LIPC: variants seen among roughly 807,000 people sequenced by gnomAD.
LIPC encodes lipase C, hepatic type.
LIPC carries 44 observed loss-of-function variants against 50.7 expected under a neutral mutation model. That is an observed-to-expected ratio of 0.87 (90% CI 0.68 to 1.11). The LOEUF (loss-of-function observed/expected upper bound fraction) is 1.11, where lower values mean the gene tolerates loss of function less well. Ranked by LOEUF, LIPC falls within the 50% of genes most tolerant of loss-of-function variation. The pLI is 0.00. For synonymous variants in LIPC, 271 were observed against 256.4 expected (o/e 1.06, Z -0.54); for missense variants, 697 against 648.2 (o/e 1.08, Z -0.82).
intron 1 of LIPC, among the ~76,000 whole-genome samples, chr15:58,496,652 C>T (rs1468822766): frequency 2.0e-5 from 3 of 150,692 alleles, no homozygotes; most frequent in African/African-American, 4.9e-5. Context: ...AGACTAACTC[C>T]GAATACCTTA....
chr15:58,528,342 C>T (rs922077229), intron 1 of LIPC, among the ~76,000 whole-genome samples: 4 of 152,110 alleles, frequency 2.6e-5, no homozygotes, highest in African/African-American at 7.2e-5. Context: ...CCTAAAAACA[C>T]GTCTCAGGGG....
intron 1 of LIPC, chr15:58,435,601 G>A (rs1419876670): frequency 6.6e-6 from 1 of 152,216 alleles, no homozygotes; most frequent in Non-Finnish European, 1.5e-5. Flanking sequence ...TGATCTGCCT[G>A]TCATTATCAC....
intron 1 of LIPC, chr15:58,435,079 C>T (rs983425343): frequency 2.6e-5 from 4 of 152,184 alleles, no homozygotes; most frequent in Non-Finnish European, 4.4e-5. Context: ...ACTGAGAAAT[C>T]TTTAAAATCT....
chr15:58,560,749 A>T, intron 6 of LIPC, 115 bp from the exon 7 acceptor site: 1 of 656,734 alleles, frequency 1.5e-6, no homozygotes, highest in South Asian at 1.8e-5. Context: ...TAACATATTA[A>T]TATCTATCCA....
chr15:58,442,677 C>T (rs1390283582), intron 1 of LIPC, among the ~76,000 whole-genome samples: 3 of 152,248 alleles, frequency 2.0e-5, no homozygotes, highest in Admixed American at 1.3e-4. Context: ...ATTATCCCCA[C>T]TTCACAGATG....
intron 1 of LIPC, among the ~76,000 whole-genome samples, chr15:58,441,496 A>T (rs1893507119): frequency 6.6e-6 from 1 of 152,208 alleles, no homozygotes; most frequent in Non-Finnish European, 1.5e-5. Context: ...TTGGGTAGGA[A>T]TTCTTATTCC....
rs1894246803 is a variant in LIPC, at chr15:58,563,603, G to T, written c.1268G>T (p.Ser423Ile). 2 of 1,614,078 alleles carry T rather than the reference G, an allele frequency of 1.2e-6. No homozygotes were observed. Among genetic ancestry groups the T allele is most frequent in the Non-Finnish European group, 1.7e-6 (2 of 1,180,020 alleles). Residue 423 changes from serine (S) to isoleucine (I), a missense_variant, in exon 8 of 9, where the codon AGT becomes ATT. Coordinates refer to ENST00000299022, the MANE Select transcript of LIPC (RefSeq NM_000236.3). ...ATGATCAAGTTCAAGTGGGAAAACA[G>T]TGCAGTGTGGGCCAATGTCTGGGAC... Reference protein sequence around the residue: ...LIMIKFKWENSAVWANVWDTV... With the variant: ...LIMIKFKWENIAVWANVWDTV...
At chr15:58,479,635 G>A (rs777381431) in intron 1 of LIPC, among the ~76,000 whole-genome samples, 1 of 152,170 alleles carries the variant, frequency 6.6e-6, no homozygotes, top group African/African-American at 2.4e-5. Flanking sequence ...GCTTGCATCA[G>A]GCATGAAATT....
intron 1 of LIPC, among the ~76,000 whole-genome samples, chr15:58,493,178 G>C (rs1311562963): frequency 1.3e-5 from 2 of 152,088 alleles, no homozygotes; most frequent in Non-Finnish European, 2.9e-5. Flanking sequence ...TGATGACTCA[G>C]CAAAATCAAC....
intron 1 of LIPC, among the ~76,000 whole-genome samples, chr15:58,487,609 G>A (rs369731234): frequency 6.6e-6 from 1 of 152,228 alleles, no homozygotes; most frequent in East Asian, 1.9e-4. Context: ...TCTTGCTCTG[G>A]CCCAAACAAG....
chr15:58,552,576 T>G (rs1392027954), intron 6 of LIPC, among the ~76,000 whole-genome samples: 1 of 152,142 alleles, frequency 6.6e-6, no homozygotes, highest in African/African-American at 2.4e-5. Flanking sequence ...CCAGGCTCCC[T>G]GGGTCGGGGG....
At chr15:58,493,888 G>C (rs763105398) in intron 1 of LIPC, among the ~76,000 whole-genome samples, 1 of 152,110 alleles carries the variant, frequency 6.6e-6, no homozygotes, top group Admixed American at 6.5e-5. Flanking sequence ...GATGGCAATG[G>C]GTACTGAAAG....
At chr15:58,432,212 AC>A in intron 1 of LIPC, 92 bp downstream of exon 1, 2 of 984,082 alleles carry the variant, frequency 2.0e-6, no homozygotes, top group South Asian at 2.6e-5. Flanking sequence ...ACTGTATGGG[AC>A]AGAGCTTGCT....
At chr15:58,488,391 C>G (rs1056262392) in intron 1 of LIPC, among the ~76,000 whole-genome samples, 2 of 152,216 alleles carry the variant, frequency 1.3e-5, no homozygotes, top group African/African-American at 4.8e-5. Flanking sequence ...TCCTTATCTA[C>G]GCCATTCATC....
At chr15:58,455,344 G>A (rs1383230004) in intron 1 of LIPC, among the ~76,000 whole-genome samples, 1 of 152,176 alleles carries the variant, frequency 6.6e-6, no homozygotes, top group Non-Finnish European at 1.5e-5. Context: ...ACCTGGCTGT[G>A]TTCCAATAAA....
At chr15:58,529,548 C>A (rs1216861661) in intron 1 of LIPC, among the ~76,000 whole-genome samples, 1 of 152,212 alleles carries the variant, frequency 6.6e-6, no homozygotes. Flanking sequence ...GATTCAAGAC[C>A]CAGTCTACTG....
chr15:58,538,673 C>T (rs113900616), intron 2 of LIPC, among the ~76,000 whole-genome samples, 156 bp downstream of exon 2: 7 of 152,330 alleles, frequency 4.6e-5, no homozygotes, highest in South Asian at 4.1e-4. Flanking sequence ...TGCTTCCCCA[C>T]GCATTAGCTC....
At chr15:58,501,349 T>C (rs1891978654) in intron 1 of LIPC, among the ~76,000 whole-genome samples, 1 of 82,180 alleles carries the variant, frequency 1.2e-5, no homozygotes, top group African/African-American at 4.7e-5. Context: ...CTCTCATACT[T>C]TTTTTTTTTT....
At chr15:58,556,122 G>A (rs1211270730) in intron 6 of LIPC, among the ~76,000 whole-genome samples, 1 of 152,220 alleles carries the variant, frequency 6.6e-6, no homozygotes, top group South Asian at 2.1e-4. Context: ...GATGATGTAT[G>A]TAAAACACTT....
Sources: gnomAD v4.1 joint callset for allele counts (sites outside exome capture counted in the v4.1 genomes callset) on GRCh38, gnomAD v4.1.1 for gene constraint, MANE v1.5 for transcripts, NCBI Gene and HGNC (gene_info 2026-07-23, HGNC 2026-07-21) for gene names.